The following GPC6 variants were observed in gnomAD, a reference collection of about 807,000 sequenced individuals.
GPC6 encodes the protein glypican-6.
Under a neutral mutation model 55.2 loss-of-function variants are expected in GPC6, and 14 were observed. The ratio of observed to expected loss-of-function variants is 0.25; its 90% confidence interval spans 0.17 to 0.40. The LOEUF (loss-of-function observed/expected upper bound fraction) is 0.40, where lower values mean the gene tolerates loss of function less well. GPC6 is among the 10% of genes least tolerant of loss of function. The pLI is 1.00. For missense variants in GPC6, 641 were observed against 708.5 expected, an observed-to-expected ratio of 0.90 and a Z score of 1.08; for synonymous variants, 278 against 259.6, an observed-to-expected ratio of 1.07 and a Z score of -0.68.
intron 1 of GPC6, among the ~76,000 whole-genome samples, chr13:93,379,958 CA>C (rs58011385): frequency 0.54 from 70,225 of 129,004 alleles, 18,560 homozygotes; most frequent in East Asian, 0.77. Flanking sequence ...AATTCTGTCT[CA>C]AAAAAAAAAA....
chr13:93,356,202 A>G (rs192408419), intron 1 of GPC6, among the ~76,000 whole-genome samples: 1 of 152,326 alleles, frequency 6.6e-6, no homozygotes, highest in Non-Finnish European at 1.5e-5. Context: ...ATGAAATAAT[A>G]TCACCCATTT....
At chr13:93,837,337 T>G (rs1887775468) in intron 3 of GPC6, among the ~76,000 whole-genome samples, 1 of 152,206 alleles carries the variant, frequency 6.6e-6, no homozygotes, top group South Asian at 2.1e-4. Context: ...CCTATCTAAA[T>G]GTACCATGGC....
chr13:93,240,785 C>T (rs992172071), intron 1 of GPC6, among the ~76,000 whole-genome samples: 2 of 152,002 alleles, frequency 1.3e-5, no homozygotes, highest in African/African-American at 4.8e-5. Context: ...ATAGAACTTT[C>T]ATTCTGATGT....
At chr13:93,798,963 T>C (rs546302291) in intron 2 of GPC6, among the ~76,000 whole-genome samples, 1 of 148,212 alleles carries the variant, frequency 6.7e-6, no homozygotes, top group East Asian at 2.0e-4. Context: ...AGTTAGCACA[T>C]AGATGTCTTA....
At chr13:93,631,705 A>T (rs1477370907) in intron 2 of GPC6, among the ~76,000 whole-genome samples, 1 of 152,184 alleles carries the variant, frequency 6.6e-6, no homozygotes, top group Non-Finnish European at 1.5e-5. Context: ...GGGACATGTC[A>T]TGCCTTGCCT....
intron 4 of GPC6, among the ~76,000 whole-genome samples, chr13:94,112,564 G>T (rs1005287053): frequency 1.3e-5 from 2 of 152,138 alleles, no homozygotes; most frequent in Non-Finnish European, 2.9e-5. Context: ...AATACCTAAA[G>T]GACAGTGACA....
intron 1 of GPC6, among the ~76,000 whole-genome samples, chr13:93,507,721 G>T (rs552840534): frequency 1.3e-5 from 2 of 152,156 alleles, no homozygotes; most frequent in South Asian, 2.1e-4. Flanking sequence ...TACTTTTCCT[G>T]TCCTGACATA....
At chr13:93,850,307 C>T (rs1046819989) in intron 3 of GPC6, among the ~76,000 whole-genome samples, 3 of 151,860 alleles carry the variant, frequency 2.0e-5, no homozygotes, top group African/African-American at 7.3e-5. Flanking sequence ...AATTCCCATT[C>T]TAAAGTGGAT....
intron 4 of GPC6, among the ~76,000 whole-genome samples, chr13:94,104,352 C>T (rs947533417): frequency 2.0e-5 from 3 of 152,116 alleles, no homozygotes; most frequent in Non-Finnish European, 2.9e-5. Context: ...GACAAACCCA[C>T]AGCCAATATC....
intron 4 of GPC6, among the ~76,000 whole-genome samples, chr13:94,208,801 C>G (rs765788720): frequency 1.7e-4 from 25 of 149,418 alleles, no homozygotes; most frequent in Non-Finnish European, 3.6e-4. Flanking sequence ...TGGTGATGCT[C>G]CCAGCTACTC....
Position 93,354,354 on chromosome 13 carries a change from T to TTTTGTTTTG in GPC6, c.160+126741_160+126742insGTTTTGTTT, listed in dbSNP as rs1555293311. On this transcript the variant is annotated intron_variant, in intron 1 of 8. Transcript: ENST00000377047. ...AGAAGTGCTTCCGTTGGTAGATTTT[T>TTTTGTTTTG]TTTTTTTTTTTTTTGAGACAGAGTC... is the stretch of plus-strand genomic sequence containing the variant. Among the ~76,000 whole-genome samples, 127 of 138,776 alleles carry TTTTGTTTTG rather than the reference T, an allele frequency of 9.2e-4. 1 individual carries two copies. The highest frequency in any genetic ancestry group is 2.6e-3 in the African/African-American group (96 of 36,728). 91.0% of individuals were successfully genotyped at this position (138,776 alleles called of 152,430 possible).
In GPC6 at chr13:93,805,870, C is replaced by A. The variant is rs1246456695; in HGVS notation, c.320-24284C>A. On this transcript the variant is annotated intron_variant, in intron 2 of 8. Transcript: ENST00000377047. ...TGCCATTTAATTTATGGCTCCTTTT[C>A]TTTCCCTGTAGCCTAAGCTTCTTAG... Among the ~76,000 whole-genome samples, 7 of 152,118 alleles carry A rather than the reference C, an allele frequency of 4.6e-5. No homozygotes were observed. The East Asian group carries it at 1.4e-3, about 29-fold the overall frequency.
intron 1 of GPC6, among the ~76,000 whole-genome samples, chr13:93,499,345 G>A (rs1880438616): frequency 6.6e-6 from 1 of 152,198 alleles, no homozygotes; most frequent in Admixed American, 6.5e-5. Context: ...AAGGGAGTTT[G>A]TTAGGACAAG....
intron 4 of GPC6, among the ~76,000 whole-genome samples, chr13:94,094,439 A>G (rs912214980): frequency 6.6e-6 from 1 of 152,264 alleles, no homozygotes; most frequent in South Asian, 2.1e-4. Context: ...ATATAAAGGT[A>G]TAATATTACA....
intron 4 of GPC6, among the ~76,000 whole-genome samples, chr13:94,144,528 T>C (rs1359498212): frequency 1.8e-5 from 2 of 111,510 alleles, no homozygotes; most frequent in Non-Finnish European, 3.6e-5. Context: ...AAAAGATCAT[T>C]CTTTGGGAGT....
chr13:93,986,608 A>C (rs1594643972), intron 3 of GPC6, among the ~76,000 whole-genome samples: 1 of 152,172 alleles, frequency 6.6e-6, no homozygotes, highest in African/African-American at 2.4e-5. Flanking sequence ...TACTTGCATA[A>C]ACAACTATTA....
chr13:94,223,139 T>C (rs117293835), intron 4 of GPC6, among the ~76,000 whole-genome samples: 1 of 152,218 alleles, frequency 6.6e-6, no homozygotes, highest in Non-Finnish European at 1.5e-5. Context: ...TAATAGTTTT[T>C]AACATGAAAA....
At position 93,977,467 on chromosome 13, in the gene GPC6, GGTGTGTGTGTGTGTGTGTGT is replaced by G. The variant is rs4001797; in HGVS notation, c.712-50230_712-50211del. 2.0e-3 allele frequency among the ~76,000 whole-genome samples: 271 copies of G among 137,372 alleles called. 1 individual carries two copies. The highest frequency in any genetic ancestry group is 5.8e-3 in the African/African-American group (214 of 37,112). The allele number at this position is 137,372 out of a possible 152,430, so 90.1% of individuals were successfully genotyped here. On this transcript the variant is annotated intron_variant, in intron 3 of 8. Coordinates refer to ENST00000377047, the MANE Select transcript of GPC6 (RefSeq NM_005708.5). ...TCTATGATTTGCCAAGATGACAAGG[GGTGTGTGTGTGTGTGTGTGT>G]GTGTGTGTGTGTGTGTGTGTGTGTG...
At chr13:94,394,635 C>T (rs1401073614) in intron 7 of GPC6, among the ~76,000 whole-genome samples, 2 of 152,002 alleles carry the variant, frequency 1.3e-5, no homozygotes, top group Non-Finnish European at 2.9e-5. Flanking sequence ...TTCCGGGGGT[C>T]GCACAATGGA....
Sources: gnomAD v4.1 joint callset for allele counts (sites outside exome capture counted in the v4.1 genomes callset) on GRCh38, gnomAD v4.1.1 for gene constraint, MANE v1.5 for transcripts, NCBI Gene and HGNC (gene_info 2026-07-23, HGNC 2026-07-21) for gene names.